Variants in SLC8A3 observed in about 807,000 individuals in gnomAD.
The protein encoded by SLC8A3 is solute carrier family 8 member A3, also known as sodium/calcium exchanger 3.
A neutral mutation model predicts 65.4 loss-of-function variants in SLC8A3; 37 were observed. The observed-to-expected ratio is 0.57, with a 90% CI of 0.44 to 0.74. The LOEUF (loss-of-function observed/expected upper bound fraction) is 0.74, where lower values mean the gene tolerates loss of function less well. Among genes scored for constraint, SLC8A3 ranks in the 30% least tolerant of loss-of-function variants. The pLI is 0.00. For missense variants in SLC8A3, 1,112 were observed against 1,172.1 expected, an observed-to-expected ratio of 0.95 and a Z score of 0.75; for synonymous variants, 461 against 444.5, an observed-to-expected ratio of 1.04 and a Z score of -0.47.
chr14:70,086,248 GA>G (rs1452872042), intron 2 of SLC8A3, among the ~76,000 whole-genome samples: 24 of 152,182 alleles, frequency 1.6e-4, no homozygotes, highest in Admixed American at 1.6e-3. Context: ...GAGAATAAGA[GA>G]GATTCAGTAA....
At position 70,044,833 on chromosome 14, in the gene SLC8A3, A is replaced by G. The variant is rs1244108662; in HGVS notation, c.*1114T>C. On this transcript the variant is annotated 3_prime_UTR_variant, in exon 7 of 7. Transcript: ENST00000356921. ...TCTTTGTATAGAGCATTAGGAAGCAAGAGCGTGGTGAAGCTGACATTTCTC... is the reference window on the plus strand; with the variant it reads ...TCTTTGTATAGAGCATTAGGAAGCAGGAGCGTGGTGAAGCTGACATTTCTC... 1.3e-5 allele frequency: 2 copies of G among 152,242 alleles called. No individual in the cohort carries two copies. The highest frequency in any genetic ancestry group is 4.8e-5 in the African/African-American group (2 of 41,464). 9.4% of individuals were successfully genotyped at this position (152,242 alleles called of 1,614,324 possible). A position where few individuals can be genotyped will look rare whatever the true frequency, so the allele number is the denominator to read the frequency against.
At chr14:70,180,842 C>T (rs984235198) in intron 1 of SLC8A3, among the ~76,000 whole-genome samples, 1 of 152,140 alleles carries the variant, frequency 6.6e-6, no homozygotes, top group African/African-American at 2.4e-5. Context: ...TTGAGGAGTG[C>T]CAACCTGGGG....
intron 1 of SLC8A3, among the ~76,000 whole-genome samples, chr14:70,169,695 G>GGA (rs1555384570): frequency 6.9e-6 from 1 of 145,594 alleles, no homozygotes; most frequent in Non-Finnish European, 1.5e-5. Context: ...AAAAAGTGGG[G>GGA]GGGGGGGCGA....
At position 70,167,260 on chromosome 14, in the gene SLC8A3, G is replaced by A. The variant is rs149346462; in HGVS notation, c.1163C>T (p.Thr388Ile). ...GGAAATAAAGTCCTCAGGCTCATCGGTGTGCACCTCGCTCATGCTGGAGGC... is the reference window on the plus strand; with the variant it reads ...GGAAATAAAGTCCTCAGGCTCATCGATGTGCACCTCGCTCATGCTGGAGGC... ...KKASSMSEVH[T>I]DEPEDFISKV... The change falls in exon 2 of 7, where the codon ACC (threonine) becomes ATC (isoleucine). Residue 388 changes from threonine to isoleucine, a missense_variant. Thr to Ile is a moderately conservative substitution (Grantham distance 89, BLOSUM62 -1). Coordinates refer to ENST00000356921, the MANE Select transcript of SLC8A3 (RefSeq NM_182932.3). 2 of 1,614,204 alleles carry A rather than the reference G, an allele frequency of 1.2e-6. No individual in the cohort carries two copies. Among genetic ancestry groups the A allele is most frequent in the Admixed American group, 1.7e-5 (1 of 60,018 alleles).
intron 1 of SLC8A3, among the ~76,000 whole-genome samples, chr14:70,181,485 C>T (rs879360766): frequency 1.4e-5 from 2 of 146,920 alleles, no homozygotes; most frequent in Admixed American, 6.8e-5. Context: ...AAAAAAAGTG[C>T]ATTTCAGAAA....
At chr14:70,126,825 G>T (rs1894490246) in intron 2 of SLC8A3, among the ~76,000 whole-genome samples, 1 of 151,982 alleles carries the variant, frequency 6.6e-6, no homozygotes, top group Non-Finnish European at 1.5e-5. Flanking sequence ...ACACTCAAAG[G>T]AAATGTTCAT....
rs562282291 is a variant in SLC8A3 at position 70,174,678 on chromosome 14, T to G, written c.-62-6194A>C. On this transcript the variant is annotated intron_variant, in intron 1 of 6. Transcript: ENST00000356921. ...TTTTTTTTTGTTTTTTTTTTTTTTT[T>G]TTTTTTTTTTTTGCCTATTAAGGCC... is the stretch of plus-strand genomic sequence containing the variant. 8.3e-3 allele frequency among the ~76,000 whole-genome samples: 993 copies of G among 119,902 alleles called. 70 individuals carry two copies. The highest frequency in any genetic ancestry group is 0.075 in the Admixed American group (893 of 11,914). 78.7% of individuals were successfully genotyped at this position (119,902 alleles called of 152,430 possible).
At chr14:70,133,793 A>C (rs919868922) in intron 2 of SLC8A3, among the ~76,000 whole-genome samples, 1 of 152,246 alleles carries the variant, frequency 6.6e-6, no homozygotes, top group African/African-American at 2.4e-5. Flanking sequence ...ATACAGAAGA[A>C]GATGGGGTAT....
chr14:70,111,502 A>G (rs775432133), intron 2 of SLC8A3, among the ~76,000 whole-genome samples: 9 of 152,260 alleles, frequency 5.9e-5, no homozygotes, highest in Non-Finnish European at 8.8e-5. Context: ...GTAAACTATT[A>G]TTATTTGTTA....
chr14:70,074,597 T>C (rs532816661), intron 2 of SLC8A3, among the ~76,000 whole-genome samples: 21 of 152,206 alleles, frequency 1.4e-4, no homozygotes, highest in Non-Finnish European at 2.8e-4. Context: ...ATTTCCTCTA[T>C]GCTTAAAGGT....
chr14:70,166,248 C>T (rs1005206378), intron 2 of SLC8A3, among the ~76,000 whole-genome samples: 1 of 152,118 alleles, frequency 6.6e-6, no homozygotes, highest in Admixed American at 6.5e-5. Flanking sequence ...CATAGATACC[C>T]TTCATATGAG....
In SLC8A3 at chr14:70,046,653, T is replaced by C. The variant is rs1886828750; in HGVS notation, c.2390-330A>G. On this transcript the variant is annotated intron_variant, in intron 6 of 6. Transcript: ENST00000356921. The surrounding 1 kb of genome is among the most constrained non-coding windows in gnomAD (Gnocchi z 4.2). ...GGGAAGTTTGCCATCCCATAATATC[T>C]CCCCAGGGAACCTTGACACCCTGGG... 4.1e-6 allele frequency: 1 copy of C among 241,726 alleles called. No homozygotes were observed. Among genetic ancestry groups the C allele is most frequent in the African/African-American group, 2.2e-5 (1 of 45,314 alleles). 15.0% of individuals were successfully genotyped at this position (241,726 alleles called of 1,614,324 possible). A position where few individuals can be genotyped will look rare whatever the true frequency, so the allele number is the denominator to read the frequency against.
At chr14:70,049,701 G>T (rs959491682) in intron 5 of SLC8A3, among the ~76,000 whole-genome samples, 4 of 152,262 alleles carry the variant, frequency 2.6e-5, no homozygotes, top group African/African-American at 7.2e-5. Context: ...AATCAGTTCG[G>T]TGTGGCCACT....
At chr14:70,050,682 T>G (rs1359744222) in intron 5 of SLC8A3, among the ~76,000 whole-genome samples, 1 of 152,054 alleles carries the variant, frequency 6.6e-6, no homozygotes, top group African/African-American at 2.4e-5. Flanking sequence ...AAATCAGAAT[T>G]TATTGAGTTT....
At position 70,072,524 on chromosome 14, in the gene SLC8A3, T is replaced by G. The variant is rs554593335; in HGVS notation, c.1785-11585A>C. Among the ~76,000 whole-genome samples, 10 of 152,296 alleles carry G rather than the reference T, an allele frequency of 6.6e-5. No individual in the cohort carries two copies. The South Asian group carries it at 2.1e-3, about 32-fold the overall frequency. Reference sequence around the variant, plus strand: ...AAAATTTTATTCTCCCCTTCCTTTCTTACAGAATAAAGACTTAAGGATTCC... The same window carrying G: ...AAAATTTTATTCTCCCCTTCCTTTCGTACAGAATAAAGACTTAAGGATTCC... On this transcript the variant is annotated intron_variant, in intron 2 of 6. Transcript: ENST00000356921.
At chr14:70,149,352 A>T (rs1402900122) in intron 2 of SLC8A3, among the ~76,000 whole-genome samples, 1 of 152,170 alleles carries the variant, frequency 6.6e-6, no homozygotes, top group Non-Finnish European at 1.5e-5. Flanking sequence ...GAGAGGCAGC[A>T]CCATCCACAG....
chr14:70,105,210 T>C (rs2140121662), intron 2 of SLC8A3, among the ~76,000 whole-genome samples: 1 of 152,178 alleles, frequency 6.6e-6, no homozygotes, highest in Admixed American at 6.5e-5. Context: ...GTGCCTGTAG[T>C]CCCAGCTGCT....
chr14:70,114,974 G>A (rs946318048), intron 2 of SLC8A3, among the ~76,000 whole-genome samples: 2 of 152,230 alleles, frequency 1.3e-5, no homozygotes, highest in East Asian at 3.9e-4. Flanking sequence ...GCTGACAGAC[G>A]AGTGTCCGGC....
intron 2 of SLC8A3, among the ~76,000 whole-genome samples, chr14:70,152,670 C>G (rs1283622455): frequency 6.6e-6 from 1 of 152,206 alleles, no homozygotes; most frequent in African/African-American, 2.4e-5. Flanking sequence ...TGGCAAAGAG[C>G]AGTGCAGGAC....
Sources: allele counts gnomAD v4.1 joint callset (sites outside exome capture counted in the v4.1 genomes callset), GRCh38; gene constraint gnomAD v4.1.1; non-coding constraint Gnocchi (gnomAD v3.1); transcripts MANE v1.5; gene names NCBI Gene and HGNC (gene_info 2026-07-23, HGNC 2026-07-21).